ABL2: variants seen among roughly 807,000 people sequenced by gnomAD.
ABL2 encodes tyrosine-protein kinase ABL2.
In ABL2, 49 loss-of-function variants were observed where a neutral mutation model predicts 107.7. The ratio of observed to expected loss-of-function variants is 0.45; its 90% confidence interval spans 0.36 to 0.58. ABL2 has a LOEUF of 0.58. Ranked by LOEUF, ABL2 falls within the 20% of genes least tolerant of loss-of-function variation. ABL2 has a pLI of 0.00. For missense variants in ABL2, 1,245 were observed against 1,457.0 expected (o/e 0.85, Z 2.37); for synonymous variants, 549 against 548.6 (o/e 1.00, Z -0.01).
At chr1:179,163,955 T>C (rs1557967130) in intron 1 of ABL2, among the ~76,000 whole-genome samples, 1 of 152,084 alleles carries the variant, frequency 6.6e-6, no homozygotes, top group Non-Finnish European at 1.5e-5. Context: ...TCTCAAAAGA[T>C]CTCATACTAT....
At chr1:179,154,553 G>A (rs1658565413) in intron 1 of ABL2, among the ~76,000 whole-genome samples, 2 of 152,132 alleles carry the variant, frequency 1.3e-5, no homozygotes, top group Admixed American at 1.3e-4. Context: ...CTCTAATTCG[G>A]TCCTAACCAA....
intron 7 of ABL2, 45 bp from the exon 8 acceptor site, chr1:179,117,561 G>A (rs757401773): frequency 6.2e-7 from 1 of 1,601,544 alleles, no homozygotes; most frequent in Non-Finnish European, 8.5e-7. Flanking sequence ...AGATGGTGAG[G>A]AAAATGGTCA....
rs1168053343 is a variant in ABL2, at chr1:179,108,713, A to T, written c.2554T>A (p.Leu852Ile). ...AGAGCTGTGGCTCCTCTGGGCAATAACTTGGCTTTTGGTCTCTCCCTGCTT... is the reference window on the plus strand; with the variant it reads ...AGAGCTGTGGCTCCTCTGGGCAATATCTTGGCTTTTGGTCTCTCCCTGCTT... The part of the protein sequence containing the change: ...APSRERPKAK[L>I]LPRGATALPL... Residue 852 changes from leucine to isoleucine, a missense_variant, in exon 12 of 12, where the codon TTA becomes ATA. By Grantham distance (5) the Leu-to-Ile change is conservative (BLOSUM62 2). Coordinates refer to ENST00000502732, the MANE Select transcript of ABL2 (RefSeq NM_007314.4). 1 of 1,614,092 alleles carries T rather than the reference A, an allele frequency of 6.2e-7. No homozygotes were observed. Among genetic ancestry groups the T allele is most frequent in the Non-Finnish European group, 8.5e-7 (1 of 1,179,982 alleles).
chr1:179,171,937 G>A (rs1436029845), intron 1 of ABL2, among the ~76,000 whole-genome samples: 1 of 152,132 alleles, frequency 6.6e-6, no homozygotes, highest in East Asian at 1.9e-4. Flanking sequence ...TTAACCATTG[G>A]TCAAAGGCGT....
At chr1:179,201,635 A>G in intron 1 of ABL2, 1 of 470,462 alleles carries the variant, frequency 2.1e-6, no homozygotes. Context: ...TGGATACCCA[A>G]GAGTCTTCCT....
Position 179,105,321 on chromosome 1 carries a change from A to G in ABL2, c.*2397T>C, listed in dbSNP as rs1653398078. On this transcript the variant is annotated 3_prime_UTR_variant, in exon 12 of 12. Transcript: ENST00000502732. ...AAATAGAGCCCTTGCTTAAAAAACAAAAAACAAAAAAACCCTGAAAAACAA... is the reference window on the plus strand; with the variant it reads ...AAATAGAGCCCTTGCTTAAAAAACAGAAAACAAAAAAACCCTGAAAAACAA... The G allele has an allele frequency of 4.3e-6, 1 of 231,420 alleles. No individual in the cohort carries two copies. Among genetic ancestry groups the G allele is most frequent in the South Asian group, 1.8e-4 (1 of 5,502 alleles). 14.3% of individuals were successfully genotyped at this position (231,420 alleles called of 1,614,324 possible).
At chr1:179,174,759 T>C (rs1174315237) in intron 1 of ABL2, among the ~76,000 whole-genome samples, 5 of 150,802 alleles carry the variant, frequency 3.3e-5, no homozygotes, top group African/African-American at 1.2e-4. Flanking sequence ...CCTCAAAGTG[T>C]TGGCACGCAC....
intron 1 of ABL2, among the ~76,000 whole-genome samples, chr1:179,205,622 G>A (rs926301885): frequency 1.3e-5 from 2 of 152,124 alleles, no homozygotes; most frequent in Non-Finnish European, 2.9e-5. Context: ...CTCCTTTGGG[G>A]GGTCTGAGGG....
intron 1 of ABL2, among the ~76,000 whole-genome samples, chr1:179,177,217 C>CAA (rs139025585): frequency 6.6e-6 from 1 of 151,948 alleles, no homozygotes; most frequent in Non-Finnish European, 1.5e-5. Flanking sequence ...GAGAAATAAA[C>CAA]AAAAAAACAA....
At chr1:179,137,000 G>C (rs1657095004) in intron 1 of ABL2, among the ~76,000 whole-genome samples, 1 of 150,774 alleles carries the variant, frequency 6.6e-6, no homozygotes. Context: ...TAATTCTCCA[G>C]TTTCAGAGTT....
chr1:179,119,855 C>T (rs1655016212), intron 6 of ABL2, among the ~76,000 whole-genome samples: 1 of 152,188 alleles, frequency 6.6e-6, no homozygotes, highest in South Asian at 2.1e-4. Flanking sequence ...ACACCAAAAT[C>T]AATCCAGGCC....
At chr1:179,163,679 G>A (rs138763460) in intron 1 of ABL2, among the ~76,000 whole-genome samples, 26 of 152,216 alleles carry the variant, frequency 1.7e-4, no homozygotes, top group African/African-American at 2.6e-4. Flanking sequence ...CCCAGGAGGC[G>A]GAGGTTGCAG....
chr1:179,117,441 C>T lies in ABL2; in HGVS notation c.1299G>A (p.Leu433=). 1 of 1,614,172 alleles carries T rather than the reference C, an allele frequency of 6.2e-7. No individual in the cohort carries two copies. The highest frequency in any genetic ancestry group is 8.5e-7 in the Non-Finnish European group (1 of 1,180,032). Residue 433 remains leucine, a synonymous_variant, in exon 8 of 12, where the codon TTG becomes TTA. Transcript: ENST00000502732. ...GAGCAGTATAAGTGTCTCCAGTCAT[C>T]AATCTACTTAAGCCAAAGTCAGCCA... is the stretch of plus-strand genomic sequence containing the variant. ...VKVADFGLSR[L]MTGDTYTAHA...
At chr1:179,163,325 T>G (rs1372904017) in intron 1 of ABL2, among the ~76,000 whole-genome samples, 1 of 152,196 alleles carries the variant, frequency 6.6e-6, no homozygotes, top group African/African-American at 2.4e-5. Context: ...TTGGGCAGTT[T>G]GTTATAAAGT....
chr1:179,186,567 G>A (rs1183495831), intron 1 of ABL2, among the ~76,000 whole-genome samples: 4 of 151,706 alleles, frequency 2.6e-5, no homozygotes, highest in Middle Eastern at 3.4e-3. Context: ...TTTTAGTAGA[G>A]ACGGGGTTTC....
intron 1 of ABL2, among the ~76,000 whole-genome samples, chr1:179,153,560 A>G (rs1256423809): frequency 6.6e-6 from 1 of 152,120 alleles, no homozygotes; most frequent in Admixed American, 6.5e-5. Context: ...CCAGGTTCAC[A>G]TTGCCTTCTC....
chr1:179,171,821 T>A (rs540519048), intron 1 of ABL2, among the ~76,000 whole-genome samples: 1 of 152,248 alleles, frequency 6.6e-6, no homozygotes, highest in African/African-American at 2.4e-5. Context: ...TGACTTTTCA[T>A]GTCCATGTTT....
intron 3 of ABL2, among the ~76,000 whole-genome samples, chr1:179,129,893 G>T (rs1158616883): frequency 6.6e-6 from 1 of 152,058 alleles, no homozygotes; most frequent in Non-Finnish European, 1.5e-5. Flanking sequence ...CAATTGGCCA[G>T]CACATGCAAC....
At position 179,135,062 on chromosome 1, in the gene ABL2, C is replaced by T. The variant is rs535819287; in HGVS notation, c.158-1688G>A. 7.5e-4 allele frequency among the ~76,000 whole-genome samples: 115 copies of T among 152,330 alleles called. 1 individual carries two copies. The highest frequency in any genetic ancestry group is 2.6e-3 in the African/African-American group (108 of 41,578). On this transcript the variant is annotated intron_variant, in intron 1 of 11. Transcript: ENST00000502732. ...TGGTGCCCAGGCTGGAGTGCAGTGGCGTGATCTCGGCTCACTACAACCTCC... is the reference window on the plus strand; with the variant it reads ...TGGTGCCCAGGCTGGAGTGCAGTGGTGTGATCTCGGCTCACTACAACCTCC...
Sources: allele counts gnomAD v4.1 joint callset (sites outside exome capture counted in the v4.1 genomes callset), GRCh38; gene constraint gnomAD v4.1.1; transcripts MANE v1.5; gene names NCBI Gene and HGNC (gene_info 2026-07-23, HGNC 2026-07-21).